Variants in ARFGEF1 observed in about 807,000 individuals in gnomAD.
ARFGEF1 encodes the protein brefeldin A-inhibited guanine nucleotide-exchange protein 1.
A neutral mutation model predicts 231.0 loss-of-function variants in ARFGEF1; 42 were observed. That is an observed-to-expected ratio of 0.18 (90% CI 0.14 to 0.24). The LOEUF (loss-of-function observed/expected upper bound fraction) is 0.24. Among genes scored for constraint, ARFGEF1 ranks in the 10% least tolerant of loss-of-function variants. The pLI is 1.00. For synonymous variants in ARFGEF1, 710 were observed against 732.3 expected, an observed-to-expected ratio of 0.97 and a Z score of 0.49; for missense variants, 1,345 against 2,192.0, an observed-to-expected ratio of 0.61 and a Z score of 7.72.
At chr8:67,180,904 G>A (rs1357860565) in intron 5 of ARFGEF1, among the ~76,000 whole-genome samples, 1 of 151,940 alleles carries the variant, frequency 6.6e-6, no homozygotes, top group Non-Finnish European at 1.5e-5. Context: ...CTCTGATCAT[G>A]AGTGTTTCTG....
chr8:67,331,799 C>A (rs1312807863), intron 1 of ARFGEF1, among the ~76,000 whole-genome samples: 1 of 151,952 alleles, frequency 6.6e-6, no homozygotes, highest in Non-Finnish European at 1.5e-5. Flanking sequence ...AATCTAAAGA[C>A]AGCAAATTCT....
chr8:67,197,083 G>C (rs1175197364), downstream of ARFGEF1, among the ~76,000 whole-genome samples: 1 of 152,110 alleles, frequency 6.6e-6, no homozygotes, highest in Non-Finnish European at 1.5e-5. Context: ...GTGCTGAAGA[G>C]AACTTTAGCT....
chr8:67,227,900 C>T, intron 25 of ARFGEF1, 63 bp downstream of exon 25: 1 of 1,336,808 alleles, frequency 7.5e-7, no homozygotes, highest in Non-Finnish European at 9.9e-7. Context: ...AATTTGATTA[C>T]AAGGACATTC....
At chr8:67,297,456 T>C (rs886753153) in intron 4 of ARFGEF1, among the ~76,000 whole-genome samples, 1 of 152,192 alleles carries the variant, frequency 6.6e-6, no homozygotes, top group African/African-American at 2.4e-5. Flanking sequence ...GCCATATACC[T>C]GTGGCCCCAG....
At chr8:67,244,954 A>G (rs552387991) in intron 19 of ARFGEF1, among the ~76,000 whole-genome samples, 35 of 150,622 alleles carry the variant, frequency 2.3e-4, no homozygotes, top group Admixed American at 2.0e-3. Context: ...AAGGTCAAAG[A>G]TAAAGGATCC....
chr8:67,226,365 T>C (rs1839371168), intron 27 of ARFGEF1, among the ~76,000 whole-genome samples, 182 bp from the exon 28 acceptor site: 1 of 152,106 alleles, frequency 6.6e-6, no homozygotes, highest in Admixed American at 6.6e-5. Context: ...GTGGTGAGAA[T>C]AGTAAAACTT....
At chr8:67,190,733 AG>A (rs1835987472) in intron 5 of ARFGEF1, 2 of 1,613,190 alleles carry the variant, frequency 1.2e-6, no homozygotes, top group Non-Finnish European at 1.7e-6. Flanking sequence ...GGAGCGCAGG[AG>A]GAACAAATGG....
rs138952906 is a variant in ARFGEF1, at chr8:67,249,338, T to C, written c.2850+1961A>G. ...TTGCCCACCTGTAGGCTAAGGTAAG[T>C]ATCCTGGGCATGTTCAAGGCAGGCA... On this transcript the variant is annotated intron_variant, in intron 19 of 38. Transcript: ENST00000262215. Among the ~76,000 whole-genome samples, 53 of 150,508 alleles carry C rather than the reference T, an allele frequency of 3.5e-4. 1 individual carries two copies. Among genetic ancestry groups the C allele is most frequent in the Non-Finnish European group, 5.7e-4 (39 of 67,834 alleles).
At chr8:67,279,269 C>G (rs548335675) in intron 7 of ARFGEF1, among the ~76,000 whole-genome samples, 5 of 152,092 alleles carry the variant, frequency 3.3e-5, no homozygotes, top group Non-Finnish European at 7.4e-5. Flanking sequence ...TGATTCTCTC[C>G]CCACCTCCCC....
intron 22 of ARFGEF1, among the ~76,000 whole-genome samples, chr8:67,236,365 A>AATAT (rs34297561): frequency 2.8e-3 from 81 of 28,978 alleles, no homozygotes; most frequent in Middle Eastern, 0.042. Context: ...AAAAAAAAAA[A>AATAT]ATATATATAT....
intron 6 of ARFGEF1, among the ~76,000 whole-genome samples, chr8:67,291,367 A>AT (rs1167393702): frequency 6.6e-6 from 1 of 151,694 alleles, no homozygotes; most frequent in Non-Finnish European, 1.5e-5. Context: ...AAAAATGAAA[A>AT]TTTCTATCAG....
intron 30 of ARFGEF1, 63 bp from the exon 31 acceptor site, chr8:67,218,201 A>ATAT (rs1374468030): frequency 2.8e-5 from 5 of 180,604 alleles, no homozygotes; most frequent in African/African-American, 6.1e-5. Flanking sequence ...TAAAAAAAAA[A>ATAT]AAAAAAATAT....
chr8:67,175,204 T>G (rs933803709), downstream of ARFGEF1: 1 of 888,254 alleles, frequency 1.1e-6, no homozygotes, highest in Non-Finnish European at 1.8e-6. Context: ...GATTTTGAAA[T>G]TAGGTTACTC....
rs780116473 is a variant in ARFGEF1, at chr8:67,217,965, A to G, written c.4474+38T>C. 3.7e-6 allele frequency: 6 copies of G among 1,612,374 alleles called. No homozygotes were observed. In the Admixed American group the frequency reaches 1.0e-4, roughly 27 times the overall value. ...TTCATTTATATATTACCAGGGTCAC[A>G]TTTAACACTTTGTGTCACATATCTG... is the stretch of plus-strand genomic sequence containing the variant. On this transcript the variant is annotated intron_variant, in intron 31 of 38. Transcript: ENST00000262215.
intron 1 of ARFGEF1, among the ~76,000 whole-genome samples, chr8:67,324,915 C>CTTT (rs71249434): frequency 1.4e-5 from 2 of 143,610 alleles, no homozygotes; most frequent in East Asian, 2.0e-4. Flanking sequence ...AAAAAATCCA[C>CTTT]TTTTTTTTTT....
intron 19 of ARFGEF1, among the ~76,000 whole-genome samples, chr8:67,246,561 G>A (rs1053124461): frequency 6.7e-6 from 1 of 150,146 alleles, no homozygotes; most frequent in African/African-American, 2.5e-5. Flanking sequence ...TGAAACAAAT[G>A]ATAATGAAGA....
At chr8:67,218,286 G>C (rs1204672865) in intron 30 of ARFGEF1, 148 bp from the exon 31 acceptor site, 1 of 178,638 alleles carries the variant, frequency 5.6e-6, no homozygotes, top group East Asian at 1.4e-4. Flanking sequence ...TTAGACCCCT[G>C]AATTCCCTCT....
At chr8:67,304,201 C>G (rs939417635) in intron 1 of ARFGEF1, among the ~76,000 whole-genome samples, 1 of 152,172 alleles carries the variant, frequency 6.6e-6, no homozygotes. Flanking sequence ...CTTTAAAAAG[C>G]GACTTTGACA....
rs530164771 is a variant in ARFGEF1 at position 67,320,682 on chromosome 8, C to T, written c.125-18216G>A. 8.7e-4 allele frequency among the ~76,000 whole-genome samples: 132 copies of T among 152,174 alleles called. 1 individual carries two copies. Among genetic ancestry groups the T allele is most frequent in the Middle Eastern group, 3.4e-3 (1 of 294 alleles). On this transcript the variant is annotated intron_variant, in intron 1 of 38. Coordinates refer to ENST00000262215, the MANE Select transcript of ARFGEF1 (RefSeq NM_006421.5). ...AGTAAAAAAGAAACAGACAGTCAGG[C>T]GTGGTGGCTCACGCCTATAATCCCA...
Sources: gnomAD v4.1 joint callset for allele counts (sites outside exome capture counted in the v4.1 genomes callset) on GRCh38, gnomAD v4.1.1 for gene constraint, MANE v1.5 for transcripts, NCBI Gene and HGNC (gene_info 2026-07-23, HGNC 2026-07-21) for gene names.